The following LRP1B variants were observed in gnomAD, a reference collection of about 807,000 sequenced individuals.
LRP1B encodes LDL receptor related protein 1B, also known as low-density lipoprotein receptor-related protein 1B.
LRP1B carries 217 observed loss-of-function variants against 556.6 expected under a neutral mutation model. That is an observed-to-expected ratio of 0.39 (90% confidence interval 0.35 to 0.44). The LOEUF (loss-of-function observed/expected upper bound fraction) is 0.44. Ranked by LOEUF, LRP1B falls within the 20% of genes least tolerant of loss-of-function variation. The probability of loss-of-function intolerance (pLI) is 1.00; values close to 1 mark genes in which losing one functional copy is unlikely to be tolerated. For synonymous variants in LRP1B, 2,047 were observed against 1,865.8 expected (o/e 1.10, Z -2.50); for missense variants, 5,053 against 5,620.8 (o/e 0.90, Z 3.23).
intron 6 of LRP1B, among the ~76,000 whole-genome samples, chr2:141,228,438 AG>A (rs541206831): frequency 1.4e-3 from 206 of 147,128 alleles, no homozygotes; most frequent in African/African-American, 5.0e-3. Context: ...CCCATGTGGA[AG>A]CAGGGAGAGA....
At chr2:141,925,316 G>A (rs543830319) in intron 1 of LRP1B, among the ~76,000 whole-genome samples, 4 of 152,264 alleles carry the variant, frequency 2.6e-5, no homozygotes, top group African/African-American at 9.6e-5. Flanking sequence ...AGTTAGGTTT[G>A]AGTCTTGGAA....
chr2:141,810,346 G>C lies in LRP1B; in HGVS notation c.138C>G (p.Val46=). The C allele has an allele frequency of 3.1e-6, 5 of 1,613,086 alleles. No homozygotes were observed. The highest frequency in any genetic ancestry group is 4.2e-6 in the Non-Finnish European group (5 of 1,179,396). ...EFLCHDHVTC[V]SQSWLCDGDP... is the part of the protein sequence containing the mutation. ...CCCCATCACACAGCCAGCTCTGGGA[G>C]ACACAAGTCACGTGATCGTGGCAAA... The change falls in exon 2 of 91, where the codon GTC becomes GTG. Residue 46 remains valine (V), a synonymous_variant. Coordinates refer to ENST00000389484, the MANE Select transcript of LRP1B (RefSeq NM_018557.3).
At position 140,612,301 on chromosome 2, in the gene LRP1B, C is replaced by G. The variant is rs191043064; in HGVS notation, c.6800-10662G>C. On this transcript the variant is annotated intron_variant, in intron 41 of 90. Transcript: ENST00000389484. ...TACTTCAATCACACAGGCATTCTAA[C>G]CAAATTTTCTTACTCTCTAATGGTA... Among the ~76,000 whole-genome samples, 3 of 152,242 alleles carry G rather than the reference C, an allele frequency of 2.0e-5. No homozygotes were observed. The East Asian group carries it at 5.8e-4, about 29-fold the overall frequency.
intron 3 of LRP1B, among the ~76,000 whole-genome samples, chr2:141,346,351 G>C (rs1039093014): frequency 6.6e-6 from 1 of 152,038 alleles, no homozygotes; most frequent in Non-Finnish European, 1.5e-5. Flanking sequence ...CTTTACAAGG[G>C]GGTGATCTGA....
intron 1 of LRP1B, among the ~76,000 whole-genome samples, chr2:142,059,540 T>G: frequency 1.1e-5 from 1 of 92,566 alleles, no homozygotes; most frequent in East Asian, 3.8e-4. Context: ...CAGTTTTTAT[T>G]GTTTTTTTAA....
At chr2:141,414,413 C>T (rs1386869921) in intron 3 of LRP1B, among the ~76,000 whole-genome samples, 1 of 136,310 alleles carries the variant, frequency 7.3e-6, no homozygotes, top group Admixed American at 7.2e-5. Context: ...ACTAAAGCTT[C>T]CCCCCTCATA....
chr2:140,547,157 G>T (rs1680372441), intron 43 of LRP1B, among the ~76,000 whole-genome samples: 1 of 152,128 alleles, frequency 6.6e-6, no homozygotes, highest in African/African-American at 2.4e-5. Flanking sequence ...TCAGGATGAT[G>T]CTGGCCTCAT....
rs145204676 is a variant in LRP1B, at chr2:141,179,984, G to A, written c.1013+8437C>T. Among the ~76,000 whole-genome samples, 57 of 146,994 alleles carry A rather than the reference G, an allele frequency of 3.9e-4. No homozygotes were observed. In the East Asian group the frequency reaches 0.01, roughly 27 times the overall value. On this transcript the variant is annotated intron_variant, in intron 7 of 90. Transcript: ENST00000389484. ...TATATTACAGAGTGGTAATGTATAA[G>A]CAGAACAATGTCAAGTATTTTTATT...
chr2:141,046,630 G>A (rs1698877989), intron 11 of LRP1B, among the ~76,000 whole-genome samples: 1 of 152,034 alleles, frequency 6.6e-6, no homozygotes, highest in African/African-American at 2.4e-5. Flanking sequence ...TATTAGAGTC[G>A]ATCTCTGTTG....
chr2:141,741,114 C>T (rs899657460), intron 2 of LRP1B, among the ~76,000 whole-genome samples: 7 of 152,072 alleles, frequency 4.6e-5, no homozygotes, highest in South Asian at 2.1e-4. Context: ...CTCTTTATGG[C>T]TGAATAGTAC....
intron 5 of LRP1B, among the ~76,000 whole-genome samples, chr2:141,237,044 A>G (rs1261505925): frequency 2.0e-5 from 3 of 152,208 alleles, no homozygotes; most frequent in Non-Finnish European, 4.4e-5. Flanking sequence ...TGCCATTTTA[A>G]TTTCTCAGAA....
chr2:141,351,073 A>C (rs1390945362), intron 3 of LRP1B, among the ~76,000 whole-genome samples: 1 of 152,024 alleles, frequency 6.6e-6, no homozygotes, highest in African/African-American at 2.4e-5. Flanking sequence ...ATCCATTTTT[A>C]TGGCTACTTT....
chr2:141,877,180 A>G (rs1698792788), intron 1 of LRP1B, among the ~76,000 whole-genome samples: 1 of 152,010 alleles, frequency 6.6e-6, no homozygotes, highest in South Asian at 2.1e-4. Context: ...TTAACATGTT[A>G]TAGAGTGTTA....
At chr2:140,707,385 T>G (rs1459515289) in intron 37 of LRP1B, among the ~76,000 whole-genome samples, 2 of 152,118 alleles carry the variant, frequency 1.3e-5, no homozygotes, top group Admixed American at 6.6e-5. Context: ...TGAGTTACCC[T>G]ATCTGCAAAA....
In LRP1B at chr2:140,457,641, T is replaced by TTGA. The variant is rs1473945194; in HGVS notation, c.9633_9635dup (p.Asn3211_Gln3212insHis). ...TTAGTGCAATCACCCCTGGAATATC[T>TTGA]TGATTAGGGACTGTAATAGGAGATG... On this transcript the variant is annotated inframe_insertion, in exon 61 of 91. Coordinates refer to ENST00000389484, the MANE Select transcript of LRP1B (RefSeq NM_018557.3). The TTGA allele has an allele frequency of 6.2e-7, 1 of 1,612,696 alleles. No individual in the cohort carries two copies. Among genetic ancestry groups the TTGA allele is most frequent in the Non-Finnish European group, 8.5e-7 (1 of 1,178,924 alleles).
At chr2:142,112,585 T>C (rs1455425200) in intron 1 of LRP1B, among the ~76,000 whole-genome samples, 1 of 152,138 alleles carries the variant, frequency 6.6e-6, no homozygotes, top group Non-Finnish European at 1.5e-5. Flanking sequence ...TTGCATGGCA[T>C]TGCTCTGTGA....
chr2:142,088,036 T>G (rs1209818832), intron 1 of LRP1B, among the ~76,000 whole-genome samples: 1 of 152,134 alleles, frequency 6.6e-6, no homozygotes, highest in African/African-American at 2.4e-5. Flanking sequence ...GTGTCAAAAG[T>G]GAATCACCAA....
At chr2:140,965,029 T>G (rs1383873512) in intron 18 of LRP1B, among the ~76,000 whole-genome samples, 1 of 152,028 alleles carries the variant, frequency 6.6e-6, no homozygotes. Flanking sequence ...TTCAATGGAG[T>G]GGCAGAGACT....
intron 7 of LRP1B, among the ~76,000 whole-genome samples, chr2:141,066,059 A>C (rs977038558): frequency 6.6e-6 from 1 of 152,008 alleles, no homozygotes; most frequent in Non-Finnish European, 1.5e-5. Context: ...TTATTTTTAA[A>C]TGTCATTCTA....
Sources: allele counts gnomAD v4.1 joint callset (sites outside exome capture counted in the v4.1 genomes callset), GRCh38; gene constraint gnomAD v4.1.1; transcripts MANE v1.5; gene names NCBI Gene and HGNC (gene_info 2026-07-23, HGNC 2026-07-21).